The following MCTP1 variants were observed in gnomAD, a reference collection of about 807,000 sequenced individuals.
The protein encoded by MCTP1 is multiple C2 and transmembrane domain containing 1.
MCTP1 carries 69 observed loss-of-function variants against 120.6 expected under a neutral mutation model. That is an observed-to-expected ratio of 0.57 (90% CI 0.47 to 0.70). The LOEUF (loss-of-function observed/expected upper bound fraction) is 0.70. MCTP1 is among the 30% of genes least tolerant of loss of function. The pLI, the probability that MCTP1 is intolerant of heterozygous loss-of-function variation, is 0.00. For missense variants in MCTP1, 1,203 were observed against 1,248.8 expected (o/e 0.96, Z 0.55); for synonymous variants, 529 against 493.1 (o/e 1.07, Z -0.96).
chr5:94,831,843 A>C (rs1300199444), intron 17 of MCTP1, among the ~76,000 whole-genome samples: 1 of 152,228 alleles, frequency 6.6e-6, no homozygotes, highest in African/African-American at 2.4e-5. Flanking sequence ...AGGATCACTA[A>C]TTCTAGGCAT....
At chr5:95,165,519 T>G (rs768267130) in intron 1 of MCTP1, among the ~76,000 whole-genome samples, 1 of 152,218 alleles carries the variant, frequency 6.6e-6, no homozygotes, top group Non-Finnish European at 1.5e-5. Context: ...TTAATAGGTG[T>G]GAATTGCTTT....
intron 2 of MCTP1, among the ~76,000 whole-genome samples, chr5:94,992,008 C>A (rs967495188): frequency 1.3e-5 from 2 of 152,162 alleles, no homozygotes; most frequent in African/African-American, 2.4e-5. Flanking sequence ...CCATGTGAGG[C>A]AGATGGGCTG....
rs528730870 is a variant in MCTP1 at position 95,171,086 on chromosome 5, G to C, written c.720+112770C>G. ...TCCATGTTTAGTGCTTATTTCAGGA[G>C]CTCTTGTAGGGCAGGCCTGGTGGTG... On this transcript the variant is annotated intron_variant, in intron 1 of 22. Transcript: ENST00000515393. 1.2e-3 allele frequency among the ~76,000 whole-genome samples: 178 copies of C among 152,106 alleles called. 2 individuals carry two copies. The highest frequency in any genetic ancestry group is 4.0e-3 in the African/African-American group (166 of 41,484).
At chr5:94,992,280 T>A (rs183426550) in intron 2 of MCTP1, among the ~76,000 whole-genome samples, 1 of 151,230 alleles carries the variant, frequency 6.6e-6, no homozygotes, top group Non-Finnish European at 1.5e-5. Flanking sequence ...ATGCTAAGTA[T>A]AATAATGTTG....
At chr5:94,937,050 C>T (rs1816371862) in intron 5 of MCTP1, among the ~76,000 whole-genome samples, 1 of 152,034 alleles carries the variant, frequency 6.6e-6, no homozygotes, top group African/African-American at 2.4e-5. Context: ...ACAGGAAGTA[C>T]AAGGATGTTC....
At chr5:94,947,299 T>A (rs1398980104) in intron 3 of MCTP1, among the ~76,000 whole-genome samples, 1 of 151,938 alleles carries the variant, frequency 6.6e-6, no homozygotes, top group Non-Finnish European at 1.5e-5. Flanking sequence ...CCCTTCCATG[T>A]CTACCCTTTC....
At position 94,803,117 on chromosome 5, in the gene MCTP1, T is replaced by C. The variant is rs79818349; in HGVS notation, c.2437-3985A>G. Reference sequence around the variant, plus strand: ...TCCAAACAAAACATCTACCCCTATGTTAGTTATCCATGTTCATTAGAGACT... The same window carrying C: ...TCCAAACAAAACATCTACCCCTATGCTAGTTATCCATGTTCATTAGAGACT... On this transcript the variant is annotated intron_variant, in intron 17 of 22. Transcript: ENST00000515393. Among the ~76,000 whole-genome samples the C allele has an allele frequency of 6.3e-3, 953 of 152,342 alleles. 6 individuals carry two copies. The highest frequency in any genetic ancestry group is 0.022 in the African/African-American group (921 of 41,572).
chr5:94,770,390 C>T (rs929292793), intron 19 of MCTP1, among the ~76,000 whole-genome samples: 3 of 152,170 alleles, frequency 2.0e-5, no homozygotes, highest in Non-Finnish European at 4.4e-5. Context: ...ACTAGCTTTC[C>T]AGAGGACTTG....
chr5:94,787,314 G>A (rs141138262), intron 18 of MCTP1, among the ~76,000 whole-genome samples: 14 of 152,182 alleles, frequency 9.2e-5, no homozygotes, highest in African/African-American at 3.1e-4. Context: ...AGATTGCTTT[G>A]CTCAAATTTC....
At chr5:94,751,909 G>A (rs529947120) in intron 19 of MCTP1, among the ~76,000 whole-genome samples, 62 of 148,048 alleles carry the variant, frequency 4.2e-4, no homozygotes, top group African/African-American at 1.5e-3. Context: ...ATTGAACAAT[G>A]AGAACACATG....
chr5:94,863,375 A>C (rs555572926), intron 17 of MCTP1, among the ~76,000 whole-genome samples: 97 of 152,024 alleles, frequency 6.4e-4, no homozygotes, highest in Non-Finnish European at 9.6e-4. Context: ...CTTCTATAAA[A>C]ATCATTTGAA....
At chr5:94,788,446 TAA>T (rs1778207001) in intron 18 of MCTP1, among the ~76,000 whole-genome samples, 1 of 152,156 alleles carries the variant, frequency 6.6e-6, no homozygotes, top group Non-Finnish European at 1.5e-5. Context: ...CACAAGCAGA[TAA>T]AGACATATCA....
chr5:94,895,704 A>G (rs1803814290), intron 10 of MCTP1, among the ~76,000 whole-genome samples: 1 of 152,152 alleles, frequency 6.6e-6, no homozygotes, highest in Non-Finnish European at 1.5e-5. Context: ...TTTGGTATTT[A>G]TGGTTTTGCT....
chr5:95,010,079 G>C (rs1022327984), intron 2 of MCTP1, among the ~76,000 whole-genome samples: 1 of 152,066 alleles, frequency 6.6e-6, no homozygotes, highest in African/African-American at 2.4e-5. Context: ...GATTTTGCTG[G>C]GTAGTAGGTG....
At chr5:95,125,173 T>A (rs1395984491) in intron 1 of MCTP1, among the ~76,000 whole-genome samples, 1 of 152,230 alleles carries the variant, frequency 6.6e-6, no homozygotes, top group African/African-American at 2.4e-5. Flanking sequence ...TAGTCCATTG[T>A]GCAACTCTTG....
Position 94,980,385 on chromosome 5 carries a change from T to A in MCTP1, c.839-27024A>T, listed in dbSNP as rs72777352. Among the ~76,000 whole-genome samples, 954 of 152,280 alleles carry A rather than the reference T, an allele frequency of 6.3e-3. 7 individuals are homozygous for A. The highest frequency in any genetic ancestry group is 0.011 in the Non-Finnish European group (718 of 68,010). The stretch of plus-strand genomic sequence containing the variant: ...TCTTTCATTAATACAAAAATTCTAG[T>A]TACAAACCCAGTAACATATGACACA... On this transcript the variant is annotated intron_variant, in intron 2 of 22. Coordinates refer to ENST00000515393, the MANE Select transcript of MCTP1 (RefSeq NM_024717.7).
At chr5:94,840,075 G>A (rs957308121) in intron 17 of MCTP1, among the ~76,000 whole-genome samples, 1 of 152,124 alleles carries the variant, frequency 6.6e-6, no homozygotes, top group Non-Finnish European at 1.5e-5. Flanking sequence ...AGGATACAGA[G>A]CCCCGTCCTT....
At position 94,910,138 on chromosome 5, in the gene MCTP1, A is replaced by G. The variant is rs1581301791; in HGVS notation, c.1522-757T>C. On this transcript the variant is annotated intron_variant, in intron 9 of 22. Transcript: ENST00000515393. ...TATATATGTATGTATACATGTATAT[A>G]TGTATGAGTATATACATATGTATAT... Among the ~76,000 whole-genome samples the G allele has an allele frequency of 3.0e-5, 4 of 133,486 alleles. No homozygotes were observed. The South Asian group carries it at 7.0e-4, about 23-fold the overall frequency. The allele number at this position is 133,486 out of a possible 152,430, so 87.6% of individuals were successfully genotyped here. A position where few individuals can be genotyped will look rare whatever the true frequency, so the allele number is the denominator to read the frequency against.
At chr5:94,831,671 G>A (rs2153161840) in intron 17 of MCTP1, among the ~76,000 whole-genome samples, 1 of 152,250 alleles carries the variant, frequency 6.6e-6, no homozygotes, top group Non-Finnish European at 1.5e-5. Flanking sequence ...AATCCTTTGT[G>A]TAATGAAATT....
Sources: gnomAD v4.1 joint callset for allele counts (sites outside exome capture counted in the v4.1 genomes callset) on GRCh38, gnomAD v4.1.1 for gene constraint, MANE v1.5 for transcripts, NCBI Gene and HGNC (gene_info 2026-07-23, HGNC 2026-07-21) for gene names.